PDE11A: variants seen among roughly 807,000 people sequenced by gnomAD.
PDE11A encodes the protein phosphodiesterase 11A, also known as dual 3',5'-cyclic-AMP and -GMP phosphodiesterase 11A.
Under a neutral mutation model 100.5 loss-of-function variants are expected in PDE11A, and 100 were observed. That is an observed-to-expected ratio of 1.00 (90% CI 0.85 to 1.18). PDE11A has a LOEUF of 1.18. PDE11A is among the 50% of genes most tolerant of loss of function. The pLI, the probability that PDE11A is intolerant of heterozygous loss-of-function variation, is 0.00. For synonymous variants in PDE11A, 381 were observed against 420.8 expected, an observed-to-expected ratio of 0.91 and a Z score of 1.16; for missense variants, 1,141 against 1,152.6, an observed-to-expected ratio of 0.99 and a Z score of 0.15.
chr2:178,042,478 A>C (rs1413677635), intron 1 of PDE11A, among the ~76,000 whole-genome samples: 3 of 5,700 alleles, frequency 5.3e-4, no homozygotes, highest in Non-Finnish European at 4.9e-4. Flanking sequence ...ACTCTGTCTC[A>C]AAAAAAAAAA....
At chr2:177,959,302 G>C (rs2695729) in intron 2 of PDE11A, among the ~76,000 whole-genome samples, 101,471 of 152,016 alleles carry the variant, frequency 0.67, 35,494 homozygotes, top group African/African-American at 0.87. Context: ...AGGCCTAGAT[G>C]ATGCAGGACC....
chr2:177,727,369 T>C, intron 12 of PDE11A, among the ~76,000 whole-genome samples: 1 of 152,096 alleles, frequency 6.6e-6, no homozygotes, highest in East Asian at 1.9e-4. Flanking sequence ...AAAGATTACT[T>C]TAAAAATCTG....
intron 2 of PDE11A, among the ~76,000 whole-genome samples, chr2:178,085,812 C>T (rs547500643): frequency 7.2e-5 from 11 of 152,286 alleles, no homozygotes; most frequent in Non-Finnish European, 1.2e-4. Flanking sequence ...CCAATTAAAA[C>T]TCAGTACCGG....
At chr2:178,018,369 T>TTTGGAACACTTGACTTTAAC in intron 1 of PDE11A, 1 of 372,398 alleles carries the variant, frequency 2.7e-6, no homozygotes. Context: ...AGGCAGGCCT[T>TTTGGAACACTTGACTTTAAC]TTGGCACACT....
chr2:177,803,996 A>C (rs2082830576), intron 9 of PDE11A, among the ~76,000 whole-genome samples: 1 of 152,046 alleles, frequency 6.6e-6, no homozygotes. Context: ...GTAAGACCTC[A>C]AATTATAAAA....
chr2:177,694,582 G>C (rs2081083667), intron 15 of PDE11A, among the ~76,000 whole-genome samples: 1 of 152,132 alleles, frequency 6.6e-6, no homozygotes, highest in Non-Finnish European at 1.5e-5. Flanking sequence ...TGAAAGAAAG[G>C]CTCAGAGAAG....
intron 1 of PDE11A, among the ~76,000 whole-genome samples, chr2:178,020,827 T>A (rs903855112): frequency 1.3e-5 from 2 of 152,008 alleles, no homozygotes; most frequent in African/African-American, 4.8e-5. Flanking sequence ...TGTAATTGTA[T>A]TAATACATGT....
chr2:177,888,693 T>G, intron 4 of PDE11A: 1 of 975,862 alleles, frequency 1.0e-6, no homozygotes. Context: ...TTCTCAGGAT[T>G]GTATTTGCAG....
At chr2:177,981,696 G>C (rs2085884240) in intron 2 of PDE11A, among the ~76,000 whole-genome samples, 1 of 150,914 alleles carries the variant, frequency 6.6e-6, no homozygotes, top group Admixed American at 6.6e-5. Flanking sequence ...TTGCAGGGGT[G>C]TGGGAAGAAC....
chr2:177,982,717 TAGCAA>T (rs1179596723), intron 2 of PDE11A, among the ~76,000 whole-genome samples: 1 of 150,694 alleles, frequency 6.6e-6, no homozygotes, highest in Admixed American at 6.6e-5. Context: ...TAAAAACTGC[TAGCAA>T]AATGTAATTT....
In PDE11A at chr2:177,696,647, G is replaced by A. The variant is rs115542605; in HGVS notation, c.2345+685C>T. Among the ~76,000 whole-genome samples the A allele has an allele frequency of 4.1e-3, 361 of 88,188 alleles. 1 individual carries two copies. The highest frequency in any genetic ancestry group is 9.1e-3 in the African/African-American group (335 of 36,914). 57.9% of individuals were successfully genotyped at this position (88,188 alleles called of 152,430 possible). The stretch of plus-strand genomic sequence containing the variant: ...TAAATGTGCTCTGTTTATTTAAAAA[G>A]GTAGACAGTAAAAGAAAGGTAAATA... On this transcript the variant is annotated intron_variant, in intron 15 of 19. Coordinates refer to ENST00000286063, the MANE Select transcript of PDE11A (RefSeq NM_016953.4).
At chr2:177,949,127 A>G (rs2085477046) in intron 2 of PDE11A, among the ~76,000 whole-genome samples, 1 of 152,182 alleles carries the variant, frequency 6.6e-6, no homozygotes, top group Non-Finnish European at 1.5e-5. Context: ...CTCTTTAAGA[A>G]TGCCAAATTT....
chr2:177,996,747 A>G (rs1559036510), intron 2 of PDE11A, among the ~76,000 whole-genome samples: 1 of 152,220 alleles, frequency 6.6e-6, no homozygotes. Flanking sequence ...AATGAAAACA[A>G]AATGTTAAGA....
At chr2:177,897,877 T>G (rs1054585335) in intron 4 of PDE11A, among the ~76,000 whole-genome samples, 181 bp downstream of exon 4, 7 of 152,178 alleles carry the variant, frequency 4.6e-5, no homozygotes. Flanking sequence ...CTAAGTTGAC[T>G]GCAAAAAGAG....
chr2:177,686,976 CAG>C (rs2080961864), intron 15 of PDE11A: 1 of 152,140 alleles, frequency 6.6e-6, no homozygotes, highest in South Asian at 2.1e-4. Context: ...CTCGGCCTCC[CAG>C]AGTGCTGGGA....
intron 2 of PDE11A, among the ~76,000 whole-genome samples, chr2:178,094,510 C>T (rs914417478): frequency 6.6e-6 from 1 of 152,068 alleles, no homozygotes; most frequent in African/African-American, 2.4e-5. Flanking sequence ...CCAGCCTGGG[C>T]AACAGAGTGA....
At chr2:177,875,247 C>A (rs936181422) in intron 5 of PDE11A, among the ~76,000 whole-genome samples, 2 of 151,740 alleles carry the variant, frequency 1.3e-5, no homozygotes, top group Admixed American at 6.6e-5. Context: ...AACAAACAAA[C>A]AAAAATTTAC....
intron 14 of PDE11A, chr2:177,698,442 G>A (rs543605921): frequency 6.6e-6 from 1 of 152,160 alleles, no homozygotes; most frequent in Non-Finnish European, 1.5e-5. Flanking sequence ...TTCTTAGTGT[G>A]AAATATGAAC....
intron 5 of PDE11A, among the ~76,000 whole-genome samples, chr2:177,861,503 T>A (rs767455531): frequency 3.3e-5 from 5 of 151,894 alleles, no homozygotes; most frequent in African/African-American, 7.2e-5. Context: ...CTCTCCAAAT[T>A]GATTGACAGA....
Sources: gnomAD v4.1 joint callset for allele counts (sites outside exome capture counted in the v4.1 genomes callset) on GRCh38, gnomAD v4.1.1 for gene constraint, MANE v1.5 for transcripts, NCBI Gene and HGNC (gene_info 2026-07-23, HGNC 2026-07-21) for gene names.